EFNA5: variants seen among roughly 807,000 people sequenced by gnomAD.
EFNA5 encodes ephrin-A5.
EFNA5 carries 5 observed loss-of-function variants against 22.9 expected under a neutral mutation model. The observed-to-expected ratio is 0.22, with a 90% CI of 0.11 to 0.46. The LOEUF is 0.46. Among genes scored for constraint, EFNA5 ranks in the 20% least tolerant of loss-of-function variants. EFNA5 has a pLI of 0.99. For missense variants in EFNA5, 237 were observed against 293.3 expected (o/e 0.81, Z 1.40); for synonymous variants, 113 against 112.2 (o/e 1.01, Z -0.04).
At chr5:107,467,999 G>A (rs1042778608) in intron 1 of EFNA5, among the ~76,000 whole-genome samples, 2 of 152,112 alleles carry the variant, frequency 1.3e-5, no homozygotes, top group Admixed American at 6.6e-5. Context: ...TTTCAATTAT[G>A]ACATAGCATT....
At chr5:107,664,536 G>C (rs759845385) in intron 1 of EFNA5, among the ~76,000 whole-genome samples, 10 of 152,122 alleles carry the variant, frequency 6.6e-5, no homozygotes, top group African/African-American at 2.2e-4. Flanking sequence ...CCTTAAAAGA[G>C]ACAGTAATTT....
At chr5:107,462,930 A>G (rs1275295725) in intron 1 of EFNA5, among the ~76,000 whole-genome samples, 1 of 152,182 alleles carries the variant, frequency 6.6e-6, no homozygotes. Context: ...TGTGCTGGAA[A>G]GAAAACACAG....
intron 1 of EFNA5, among the ~76,000 whole-genome samples, chr5:107,434,277 C>T (rs1379878137): frequency 6.6e-6 from 1 of 152,154 alleles, no homozygotes; most frequent in African/African-American, 2.4e-5. Context: ...TACCACCTCG[C>T]TTTTCTTCCT....
rs151121894 is a variant in EFNA5 at position 107,386,113 on chromosome 5, G to A, written c.565+1122C>T. 3.4e-4 allele frequency among the ~76,000 whole-genome samples: 39 copies of A among 113,634 alleles called. 1 individual carries two copies. In the East Asian group the frequency reaches 5.1e-3, roughly 15 times the overall value. The allele number at this position is 113,634 out of a possible 152,430, so 74.5% of individuals were successfully genotyped here. ...GAGGAAAAAGTGGACCTTAATGTCCGTTAGTTTCTAGGACCATAAGGAAGA... is the reference window on the plus strand; with the variant it reads ...GAGGAAAAAGTGGACCTTAATGTCCATTAGTTTCTAGGACCATAAGGAAGA... On this transcript the variant is annotated intron_variant, in intron 4 of 4. Coordinates refer to ENST00000333274, the MANE Select transcript of EFNA5 (RefSeq NM_001962.3).
At chr5:107,521,794 T>C (rs1446937332) in intron 1 of EFNA5, among the ~76,000 whole-genome samples, 1 of 152,162 alleles carries the variant, frequency 6.6e-6, no homozygotes, top group Non-Finnish European at 1.5e-5. Flanking sequence ...AATTGTAAGT[T>C]GAAGACCATC....
intron 1 of EFNA5, among the ~76,000 whole-genome samples, chr5:107,494,495 G>C (rs1746914278): frequency 6.6e-6 from 1 of 152,192 alleles, no homozygotes; most frequent in Non-Finnish European, 1.5e-5. Flanking sequence ...GCTGGGCTTG[G>C]GACCTGCAGC....
At chr5:107,416,598 C>G (rs1748511492) in intron 2 of EFNA5, among the ~76,000 whole-genome samples, 1 of 152,198 alleles carries the variant, frequency 6.6e-6, no homozygotes, top group South Asian at 2.1e-4. Flanking sequence ...ACTCTAATTA[C>G]AACCATCAGA....
chr5:107,433,606 C>T lies in EFNA5; in HGVS notation c.126-6097G>A, dbSNP rs148402659. Among the ~76,000 whole-genome samples, 291 of 152,290 alleles carry T rather than the reference C, an allele frequency of 1.9e-3. 1 individual carries two copies. The highest frequency in any genetic ancestry group is 6.8e-3 in the African/African-American group (281 of 41,564). On this transcript the variant is annotated intron_variant, in intron 1 of 4. Coordinates refer to ENST00000333274, the MANE Select transcript of EFNA5 (RefSeq NM_001962.3). The stretch of plus-strand genomic sequence containing the variant: ...TTCAATTTAAAGCCACTGTTAATAT[C>T]TCTCCCTTGCTGAGCATGGTGGCTG...
intron 1 of EFNA5, among the ~76,000 whole-genome samples, chr5:107,472,556 G>C (rs1205105107): frequency 6.6e-6 from 1 of 152,068 alleles, no homozygotes; most frequent in East Asian, 1.9e-4. Flanking sequence ...TAAAACTATG[G>C]GTACTTGAAG....
intron 1 of EFNA5, among the ~76,000 whole-genome samples, chr5:107,646,653 TC>T (rs1376477531): frequency 1.6e-4 from 24 of 152,258 alleles, no homozygotes; most frequent in Middle Eastern, 3.4e-3. Context: ...ACATATTGAC[TC>T]ATTTTGTGCA....
intron 1 of EFNA5, among the ~76,000 whole-genome samples, chr5:107,517,083 C>T (rs751094760): frequency 1.1e-4 from 16 of 150,680 alleles, no homozygotes; most frequent in Non-Finnish European, 1.5e-5. Flanking sequence ...TGTAAATACA[C>T]TAAAATTCAT....
chr5:107,411,602 C>A (rs1474773117), intron 2 of EFNA5, among the ~76,000 whole-genome samples: 1 of 152,178 alleles, frequency 6.6e-6, no homozygotes, highest in Non-Finnish European at 1.5e-5. Context: ...ATCCTGAGGT[C>A]TTCAGTTAAA....
intron 1 of EFNA5, among the ~76,000 whole-genome samples, chr5:107,552,635 A>G (rs1020822780): frequency 3.3e-5 from 5 of 152,264 alleles, no homozygotes; most frequent in Non-Finnish European, 7.3e-5. Context: ...TAACTTTTAT[A>G]GTATCAGTCT....
At chr5:107,429,730 A>G (rs1260159692) in intron 1 of EFNA5, among the ~76,000 whole-genome samples, 1 of 152,224 alleles carries the variant, frequency 6.6e-6, no homozygotes, top group Non-Finnish European at 1.5e-5. Flanking sequence ...AAATGTATGG[A>G]ACAAACTGTG....
intron 1 of EFNA5, among the ~76,000 whole-genome samples, chr5:107,509,726 A>G (rs1747325654): frequency 6.6e-6 from 1 of 152,132 alleles, no homozygotes; most frequent in Non-Finnish European, 1.5e-5. Flanking sequence ...ACACTGGAAT[A>G]CGGCCTTCAC....
chr5:107,452,634 G>A (rs2112447859), intron 1 of EFNA5, among the ~76,000 whole-genome samples: 1 of 152,258 alleles, frequency 6.6e-6, no homozygotes, highest in South Asian at 2.1e-4. Context: ...GGCTGAGGTG[G>A]GAGGACTGCT....
chr5:107,427,825 T>C (rs1748846635), intron 1 of EFNA5, among the ~76,000 whole-genome samples: 1 of 152,186 alleles, frequency 6.6e-6, no homozygotes, highest in Non-Finnish European at 1.5e-5. Context: ...ACTAGTGTGC[T>C]GTTTTCCATG....
chr5:107,405,625 C>T (rs181267206), intron 2 of EFNA5, among the ~76,000 whole-genome samples: 28 of 152,034 alleles, frequency 1.8e-4, no homozygotes, highest in African/African-American at 6.3e-4. Context: ...CTCAGTTAGC[C>T]CAAGAAGCAA....
At chr5:107,634,071 G>A (rs1048762886) in intron 1 of EFNA5, among the ~76,000 whole-genome samples, 40 of 152,204 alleles carry the variant, frequency 2.6e-4, no homozygotes, top group South Asian at 2.1e-4. Context: ...CACACAGTAT[G>A]TTTAATGGTA....
Sources: allele counts gnomAD v4.1 joint callset (sites outside exome capture counted in the v4.1 genomes callset), GRCh38; gene constraint gnomAD v4.1.1; transcripts MANE v1.5; gene names NCBI Gene and HGNC (gene_info 2026-07-23, HGNC 2026-07-21).